The following FHIP1A variants were observed in gnomAD, a reference collection of about 807,000 sequenced individuals.
The protein encoded by FHIP1A is FHF complex subunit HOOK-interacting protein 1A.
In FHIP1A, 61 loss-of-function variants were observed where a neutral mutation model predicts 88.6. The ratio of observed to expected loss-of-function variants is 0.69; its 90% CI spans 0.56 to 0.85. The LOEUF is 0.85. Among genes scored for constraint, FHIP1A ranks in the 40% least tolerant of loss-of-function variants. The probability of loss-of-function intolerance (pLI) is 0.00; values close to 1 mark genes in which losing one functional copy is unlikely to be tolerated. For synonymous variants in FHIP1A, 478 were observed against 496.0 expected (o/e 0.96, Z 0.48); for missense variants, 1,154 against 1,273.5 (o/e 0.91, Z 1.43).
At chr4:151,654,577 G>A (rs1464450699) in intron 11 of FHIP1A, among the ~76,000 whole-genome samples, 2 of 152,180 alleles carry the variant, frequency 1.3e-5, no homozygotes, top group East Asian at 1.9e-4. Context: ...CAGGGACTGC[G>A]GGGGAGCAGG....
intron 2 of FHIP1A, among the ~76,000 whole-genome samples, chr4:151,457,677 C>T (rs1006245529): frequency 6.6e-6 from 1 of 152,076 alleles, no homozygotes; most frequent in Non-Finnish European, 1.5e-5. Context: ...TTTTAGTATA[C>T]TGTCTGGCTG....
At chr4:151,489,433 G>T (rs541686371) in intron 3 of FHIP1A, among the ~76,000 whole-genome samples, 1 of 152,248 alleles carries the variant, frequency 6.6e-6, no homozygotes, top group South Asian at 2.1e-4. Context: ...GACTGAGCAC[G>T]AATTTTCCTG....
At chr4:151,560,788 C>G (rs1039467841) in intron 3 of FHIP1A, among the ~76,000 whole-genome samples, 6 of 152,136 alleles carry the variant, frequency 3.9e-5, no homozygotes, top group Non-Finnish European at 8.8e-5. Flanking sequence ...GAGCTGATAT[C>G]TCAATACTTG....
intron 9 of FHIP1A, among the ~76,000 whole-genome samples, chr4:151,640,626 T>C (rs1354779763): frequency 1.3e-5 from 2 of 152,208 alleles, no homozygotes; most frequent in Non-Finnish European, 2.9e-5. Context: ...GGTATTTAAA[T>C]GTTAAATTCT....
chr4:151,570,668 C>T (rs181149613), intron 4 of FHIP1A, among the ~76,000 whole-genome samples: 3 of 152,296 alleles, frequency 2.0e-5, no homozygotes, highest in Non-Finnish European at 2.9e-5. Context: ...ACACTCATTA[C>T]GGGCTCCTCA....
At position 151,655,849 on chromosome 4, in the gene FHIP1A, A is replaced by G. The variant is rs748206146; in HGVS notation, c.2552-383A>G. ...CTACCGTCCATACAGTCTGTGCATCATGAGATGATGGCTGTCATGTTTTAA... is the reference window on the plus strand; with the variant it reads ...CTACCGTCCATACAGTCTGTGCATCGTGAGATGATGGCTGTCATGTTTTAA... On this transcript the variant is annotated intron_variant, in intron 11 of 13. Coordinates refer to ENST00000435205, the MANE Select transcript of FHIP1A (RefSeq NM_001109977.3). Among the ~76,000 whole-genome samples, 5 of 152,298 alleles carry G rather than the reference A, an allele frequency of 3.3e-5. No homozygotes were observed. The Middle Eastern group carries it at 0.014, about 414-fold the overall frequency.
chr4:151,615,653 G>A (rs1299008622), intron 7 of FHIP1A, among the ~76,000 whole-genome samples: 3 of 152,244 alleles, frequency 2.0e-5, no homozygotes, highest in African/African-American at 7.2e-5. Context: ...ATAATTTAGA[G>A]TCTCATCACA....
At chr4:151,546,817 C>CAG (rs1732520362) in intron 3 of FHIP1A, among the ~76,000 whole-genome samples, 1 of 152,144 alleles carries the variant, frequency 6.6e-6, no homozygotes, top group East Asian at 1.9e-4. Context: ...GGTTTAATAA[C>CAG]AGAGTCTTTA....
At chr4:151,628,682 ATGG>A in intron 7 of FHIP1A, among the ~76,000 whole-genome samples, 1 of 152,326 alleles carries the variant, frequency 6.6e-6, no homozygotes, top group East Asian at 1.9e-4. Flanking sequence ...CATTTGACTC[ATGG>A]TGGAGGGATT....
Position 151,602,226 on chromosome 4 carries a change from A to AT in FHIP1A, c.978+13301dup, listed in dbSNP as rs1734899629. Among the ~76,000 whole-genome samples the AT allele has an allele frequency of 3.9e-5, 6 of 152,270 alleles. No homozygotes were observed. The South Asian group carries it at 1.2e-3, about 32-fold the overall frequency. On this transcript the variant is annotated intron_variant, in intron 7 of 13. Transcript: ENST00000435205. The stretch of plus-strand genomic sequence containing the variant: ...TCCTTACAGGGTATGAAAATCAAAT[A>AT]TAAGTGTGTTCTGAAAAATCATATA...
At chr4:151,629,603 T>C (rs1046049389) in intron 7 of FHIP1A, 99 bp from the exon 8 acceptor site, 1 of 1,060,582 alleles carries the variant, frequency 9.4e-7, no homozygotes, top group African/African-American at 1.6e-5. Context: ...TGTTCTTGCC[T>C]TGATGATGTC....
At chr4:151,412,669 C>T (rs1185373940) in intron 1 of FHIP1A, among the ~76,000 whole-genome samples, 2 of 105,352 alleles carry the variant, frequency 1.9e-5, no homozygotes, top group African/African-American at 3.7e-5. Flanking sequence ...CTTTCTTTCT[C>T]TCTCTCTCTC....
chr4:151,580,396 A>G (rs1733976203), intron 5 of FHIP1A, among the ~76,000 whole-genome samples: 1 of 152,248 alleles, frequency 6.6e-6, no homozygotes, highest in Non-Finnish European at 1.5e-5. Flanking sequence ...GCATTACAGC[A>G]AGGGACCTGT....
rs186732320 is a variant in FHIP1A, at chr4:151,635,102, A to G, written c.1147-3575A>G. Reference sequence around the variant, plus strand: ...ATAAACAAAGTACTTGAATATTTCTATGAAGAAGACTTACAAAGGACCAAA... The same window carrying G: ...ATAAACAAAGTACTTGAATATTTCTGTGAAGAAGACTTACAAAGGACCAAA... On this transcript the variant is annotated intron_variant, in intron 8 of 13. Coordinates refer to ENST00000435205, the MANE Select transcript of FHIP1A (RefSeq NM_001109977.3). Among the ~76,000 whole-genome samples the G allele has an allele frequency of 1.6e-4, 25 of 151,984 alleles. 1 individual carries two copies. In the East Asian group the frequency reaches 4.8e-3, roughly 29 times the overall value.
At position 151,650,404 on chromosome 4, in the gene FHIP1A, G is replaced by A. The variant is rs760974339; in HGVS notation, c.2363G>A (p.Gly788Glu). 5.8e-6 allele frequency: 9 copies of A among 1,551,620 alleles called. No individual in the cohort carries two copies. The highest frequency in any genetic ancestry group is 6.1e-6 in the Non-Finnish European group (7 of 1,146,994). Reference protein sequence around the residue: ...DPLLLTKEEEGKEESKGEKEK... With the variant: ...DPLLLTKEEEEKEESKGEKEK... Reference sequence around the variant, plus strand: ...TTGCTTCTCACTAAGGAGGAAGAAGGGAAGGAAGAGAGTAAAGGAGAAAAG... The same window carrying A: ...TTGCTTCTCACTAAGGAGGAAGAAGAGAAGGAAGAGAGTAAAGGAGAAAAG... Residue 788 changes from glycine (G) to glutamate (E), a missense_variant, in exon 11 of 14, where the codon GGG (glycine) becomes GAG (glutamate). Physicochemically the swap from Gly to Glu is moderately conservative, Grantham distance 98. Transcript: ENST00000435205.
At chr4:151,442,610 C>T (rs1728453206) in intron 1 of FHIP1A, among the ~76,000 whole-genome samples, 1 of 152,122 alleles carries the variant, frequency 6.6e-6, no homozygotes, top group African/African-American at 2.4e-5. Flanking sequence ...GTCATATTCC[C>T]AAAAGAGGCT....
intron 7 of FHIP1A, among the ~76,000 whole-genome samples, chr4:151,611,161 G>C (rs922795089): frequency 6.6e-6 from 1 of 152,110 alleles, no homozygotes; most frequent in Non-Finnish European, 1.5e-5. Context: ...TTGATGAACT[G>C]ATGTTTAGCT....
chr4:151,542,798 A>G (rs1216268447), intron 3 of FHIP1A, among the ~76,000 whole-genome samples: 1 of 152,196 alleles, frequency 6.6e-6, no homozygotes, highest in Non-Finnish European at 1.5e-5. Flanking sequence ...GGTTAAGAGC[A>G]TGGGGGAGCA....
At chr4:151,438,605 C>CTTTT (rs200467402) in intron 1 of FHIP1A, among the ~76,000 whole-genome samples, 2,393 of 132,424 alleles carry the variant, frequency 0.018, 68 homozygotes, top group African/African-American at 0.054. Flanking sequence ...CGGTTTTTGC[C>CTTTT]TTTTTTTTTT....
Sources: allele counts gnomAD v4.1 joint callset (sites outside exome capture counted in the v4.1 genomes callset), GRCh38; gene constraint gnomAD v4.1.1; transcripts MANE v1.5; gene names NCBI Gene and HGNC (gene_info 2026-07-23, HGNC 2026-07-21).